EPHA5: variants seen among roughly 807,000 people sequenced by gnomAD.
EPHA5 encodes EPH receptor A5.
Under a neutral mutation model 105.0 loss-of-function variants are expected in EPHA5, and 60 were observed. That is an observed-to-expected ratio of 0.57 (90% CI 0.46 to 0.71). EPHA5 has a LOEUF of 0.71. EPHA5 is among the 30% of genes least tolerant of loss of function. The probability of loss-of-function intolerance (pLI) is 0.00; values close to 1 mark genes in which losing one functional copy is unlikely to be tolerated. For synonymous variants in EPHA5, 513 were observed against 449.1 expected, an observed-to-expected ratio of 1.14 and a Z score of -1.80; for missense variants, 1,218 against 1,274.7, an observed-to-expected ratio of 0.96 and a Z score of 0.68.
intron 5 of EPHA5, among the ~76,000 whole-genome samples, chr4:65,455,644 A>G (rs997036964): frequency 1.3e-5 from 2 of 152,162 alleles, no homozygotes; most frequent in Non-Finnish European, 2.9e-5. Context: ...TCCTTTTTTA[A>G]CTTATTAGAA....
intron 1 of EPHA5, among the ~76,000 whole-genome samples, chr4:65,666,359 T>C (rs1749965131): frequency 6.6e-6 from 1 of 152,200 alleles, no homozygotes. Context: ...AATGCAGGGC[T>C]GTTCAGCAGT....
intron 8 of EPHA5, among the ~76,000 whole-genome samples, chr4:65,372,919 A>G (rs1718630484): frequency 6.6e-6 from 1 of 151,918 alleles, no homozygotes. Flanking sequence ...TAATAGGAAA[A>G]CCTGAACAAT....
chr4:65,559,247 A>G (rs145780512), intron 3 of EPHA5, among the ~76,000 whole-genome samples: 445 of 152,282 alleles, frequency 2.9e-3, no homozygotes, highest in African/African-American at 0.01. Context: ...TCAATTTAAA[A>G]TCTGCTGAGT....
intron 6 of EPHA5, 21 bp downstream of exon 6, chr4:65,420,420 T>C (rs776017920): frequency 6.5e-7 from 1 of 1,546,580 alleles, no homozygotes; most frequent in Non-Finnish European, 8.7e-7. Flanking sequence ...GTGAGGACAT[T>C]TTTTATTCTG....
At chr4:65,518,309 C>T (rs939236177) in intron 3 of EPHA5, among the ~76,000 whole-genome samples, 32 of 151,568 alleles carry the variant, frequency 2.1e-4, no homozygotes, top group Non-Finnish European at 2.5e-4. Context: ...AGATGTCTTA[C>T]GTATTATCTT....
chr4:65,606,507 T>G (rs904504368), intron 2 of EPHA5, among the ~76,000 whole-genome samples: 7 of 152,170 alleles, frequency 4.6e-5, no homozygotes, highest in Non-Finnish European at 1.0e-4. Flanking sequence ...GATTAAAAAT[T>G]AGTTTGGTAA....
chr4:65,486,430 G>A (rs1341023227), intron 5 of EPHA5, among the ~76,000 whole-genome samples: 1 of 152,096 alleles, frequency 6.6e-6, no homozygotes, highest in Non-Finnish European at 1.5e-5. Context: ...AGTCACCACA[G>A]CAAACTTACA....
At chr4:65,473,518 C>A (rs1729492977) in intron 5 of EPHA5, among the ~76,000 whole-genome samples, 1 of 152,060 alleles carries the variant, frequency 6.6e-6, no homozygotes, top group Non-Finnish European at 1.5e-5. Flanking sequence ...CGGTGACAGG[C>A]AAAACAGAGA....
intron 3 of EPHA5, among the ~76,000 whole-genome samples, chr4:65,518,384 T>A (rs1734312452): frequency 6.6e-6 from 1 of 151,802 alleles, no homozygotes; most frequent in African/African-American, 2.4e-5. Flanking sequence ...TTTTGCCATA[T>A]TTTTGTTTGT....
intron 13 of EPHA5, among the ~76,000 whole-genome samples, chr4:65,348,810 TATA>T (rs1481921872): frequency 9.1e-5 from 6 of 65,640 alleles, no homozygotes; most frequent in African/African-American, 2.7e-4. Context: ...TATATATATA[TATA>T]TATTTTTTTT....
At chr4:65,486,899 T>C (rs1176069363) in intron 5 of EPHA5, among the ~76,000 whole-genome samples, 3 of 152,204 alleles carry the variant, frequency 2.0e-5, no homozygotes, top group African/African-American at 7.2e-5. Context: ...GACTGGATCA[T>C]GGGGGCAGTT....
chr4:65,406,796 C>T (rs961061065), intron 7 of EPHA5, among the ~76,000 whole-genome samples: 7 of 151,966 alleles, frequency 4.6e-5, no homozygotes, highest in Admixed American at 6.6e-5. Context: ...AAAATTGGCC[C>T]TTATACCACA....
intron 14 of EPHA5, among the ~76,000 whole-genome samples, chr4:65,345,554 C>G (rs1024057583): frequency 6.6e-6 from 1 of 152,208 alleles, no homozygotes; most frequent in Non-Finnish European, 1.5e-5. Context: ...CAGTAAGAGA[C>G]TGTCAGATGG....
chr4:65,411,559 G>C lies in EPHA5; in HGVS notation c.1687+2725C>G, dbSNP rs1722909478. On this transcript the variant is annotated intron_variant, in intron 7 of 16. Coordinates refer to ENST00000613740, the MANE Select transcript of EPHA5 (RefSeq NM_001281766.3). ...GATAAAATCAATTTTTCTTAGTACA[G>C]ATGGCTCATTAAAGCCAGAACTCTT... 2.6e-5 allele frequency among the ~76,000 whole-genome samples: 4 copies of C among 152,062 alleles called. No individual in the cohort carries two copies. The South Asian group carries it at 8.3e-4, about 32-fold the overall frequency.
rs1478575710 is a variant in EPHA5 at position 65,550,095 on chromosome 4, T to C, written c.910+51546A>G. ...ATCCTTAGGAATTTTTTTCAAAGCATAAAAAGATAATACATTATTTGTTAA... is the reference window on the plus strand; with the variant it reads ...ATCCTTAGGAATTTTTTTCAAAGCACAAAAAGATAATACATTATTTGTTAA... On this transcript the variant is annotated intron_variant, in intron 3 of 16. Coordinates refer to ENST00000613740, the MANE Select transcript of EPHA5 (RefSeq NM_001281766.3). Among the ~76,000 whole-genome samples the C allele has an allele frequency of 5.3e-5, 8 of 152,072 alleles. 1 individual carries two copies. Among genetic ancestry groups the C allele is most frequent in the Admixed American group, 5.2e-4 (8 of 15,266 alleles).
At chr4:65,653,491 C>CCTA (rs1748787250) in intron 1 of EPHA5, among the ~76,000 whole-genome samples, 1 of 152,038 alleles carries the variant, frequency 6.6e-6, no homozygotes, top group African/African-American at 2.4e-5. Context: ...TGGCTGATCA[C>CCTA]AAACATTTTA....
At chr4:65,625,907 C>G (rs568333324) in intron 2 of EPHA5, among the ~76,000 whole-genome samples, 129 of 151,956 alleles carry the variant, frequency 8.5e-4, no homozygotes, top group African/African-American at 2.8e-3. Context: ...GTCAGGAGAT[C>G]GAGACCACGG....
At chr4:65,557,989 G>A (rs1179168472) in intron 3 of EPHA5, among the ~76,000 whole-genome samples, 1 of 151,750 alleles carries the variant, frequency 6.6e-6, no homozygotes, top group Non-Finnish European at 1.5e-5. Flanking sequence ...CGATTCTCAT[G>A]CCTAAGCTTC....
intron 2 of EPHA5, among the ~76,000 whole-genome samples, chr4:65,627,331 C>T (rs1007231646): frequency 2.0e-5 from 3 of 152,102 alleles, no homozygotes; most frequent in African/African-American, 7.2e-5. Context: ...AACCTGAATG[C>T]CCATTAATAT....
Sources: allele counts gnomAD v4.1 joint callset (sites outside exome capture counted in the v4.1 genomes callset), GRCh38; gene constraint gnomAD v4.1.1; transcripts MANE v1.5; gene names NCBI Gene and HGNC (gene_info 2026-07-23, HGNC 2026-07-21).